The following SLC10A7 variants were observed in gnomAD, a reference collection of about 807,000 sequenced individuals.
SLC10A7 encodes sodium/bile acid cotransporter 7.
SLC10A7 carries 29 observed loss-of-function variants against 43.2 expected under a neutral mutation model. That is an observed-to-expected ratio of 0.67 (90% CI 0.50 to 0.92). The LOEUF (loss-of-function observed/expected upper bound fraction) is 0.92. SLC10A7 is among the 40% of genes least tolerant of loss of function. The probability of loss-of-function intolerance (pLI) is 0.00; values close to 1 mark genes in which losing one functional copy is unlikely to be tolerated. For missense variants in SLC10A7, 295 were observed against 403.2 expected, an observed-to-expected ratio of 0.73 and a Z score of 2.30; for synonymous variants, 152 against 144.8, an observed-to-expected ratio of 1.05 and a Z score of -0.35.
At chr4:146,494,587 C>T (rs1735729836) in intron 4 of SLC10A7, among the ~76,000 whole-genome samples, 1 of 151,930 alleles carries the variant, frequency 6.6e-6, no homozygotes, top group South Asian at 2.1e-4. Flanking sequence ...TGATGAGAGG[C>T]GTGGAAAGAA....
chr4:146,503,397 A>G (rs1736597789), intron 4 of SLC10A7, among the ~76,000 whole-genome samples: 1 of 152,236 alleles, frequency 6.6e-6, no homozygotes, highest in Non-Finnish European at 1.5e-5. Flanking sequence ...CTTTGAATTC[A>G]TCTAAGAAAC....
intron 4 of SLC10A7, among the ~76,000 whole-genome samples, chr4:146,466,030 T>C (rs1285288251): frequency 6.6e-6 from 1 of 152,164 alleles, no homozygotes; most frequent in Admixed American, 6.5e-5. Flanking sequence ...TTGAAAGAAG[T>C]TTATGTGTTT....
At chr4:146,436,831 T>C (rs1462311120) in intron 5 of SLC10A7, among the ~76,000 whole-genome samples, 1 of 152,140 alleles carries the variant, frequency 6.6e-6, no homozygotes, top group African/African-American at 2.4e-5. Context: ...GTAGCTTTTT[T>C]TTCCATTGAC....
intron 5 of SLC10A7, among the ~76,000 whole-genome samples, chr4:146,337,692 G>T (rs942282665): frequency 6.6e-6 from 1 of 151,782 alleles, no homozygotes; most frequent in African/African-American, 2.4e-5. Flanking sequence ...AATTTTATAG[G>T]TGAGAATAGA....
At chr4:146,490,280 C>T (rs760845515) in intron 4 of SLC10A7, among the ~76,000 whole-genome samples, 10 of 152,092 alleles carry the variant, frequency 6.6e-5, no homozygotes, top group South Asian at 2.1e-4. Context: ...CACATGCCAA[C>T]GACTTCATTG....
chr4:146,470,427 A>T (rs1018889023), intron 4 of SLC10A7, among the ~76,000 whole-genome samples: 5 of 151,736 alleles, frequency 3.3e-5, no homozygotes, highest in African/African-American at 1.2e-4. Flanking sequence ...TGCCATACAC[A>T]TACCCCATGT....
intron 4 of SLC10A7, among the ~76,000 whole-genome samples, chr4:146,479,212 G>A (rs1408523673): frequency 3.9e-5 from 6 of 152,034 alleles, no homozygotes; most frequent in South Asian, 4.1e-4. Flanking sequence ...AATACCCAAC[G>A]CACTCATCTC....
chr4:146,514,470 T>A (rs1737768799), intron 2 of SLC10A7: 2 of 152,190 alleles, frequency 1.3e-5, no homozygotes, highest in Non-Finnish European at 2.9e-5. Context: ...ACAACAAAAT[T>A]TCAAAAAACT....
chr4:146,471,068 C>T (rs995692812), intron 4 of SLC10A7, among the ~76,000 whole-genome samples: 5 of 152,080 alleles, frequency 3.3e-5, no homozygotes, highest in African/African-American at 1.2e-4. Context: ...ATGCTTAGGA[C>T]CAGAACTGTT....
intron 1 of SLC10A7, 53 bp downstream of exon 1, chr4:146,521,565 A>G (rs1050814387): frequency 4.0e-6 from 6 of 1,493,940 alleles, no homozygotes; most frequent in Non-Finnish European, 5.6e-6. Context: ...AAGACTCACA[A>G]ATTAGTTCTG....
At chr4:146,463,993 T>G (rs1276367615) in intron 4 of SLC10A7, among the ~76,000 whole-genome samples, 1 of 151,978 alleles carries the variant, frequency 6.6e-6, no homozygotes, top group African/African-American at 2.4e-5. Flanking sequence ...TAGCTAATTT[T>G]TTTTTATACT....
chr4:146,310,525 G>GT (rs1731898736), intron 6 of SLC10A7, among the ~76,000 whole-genome samples: 1 of 152,110 alleles, frequency 6.6e-6, no homozygotes. Context: ...TCTGACTGGT[G>GT]TAAGATGGTG....
chr4:146,273,166 G>A (rs879195875), intron 10 of SLC10A7, among the ~76,000 whole-genome samples: 2 of 152,158 alleles, frequency 1.3e-5, no homozygotes, highest in Non-Finnish European at 2.9e-5. Flanking sequence ...ATACTGTGAG[G>A]TGCCACTGTA....
intron 7 of SLC10A7, among the ~76,000 whole-genome samples, chr4:146,300,297 A>T (rs553107133): frequency 6.6e-6 from 1 of 152,226 alleles, no homozygotes; most frequent in Non-Finnish European, 1.5e-5. Flanking sequence ...ATAGCCCCAT[A>T]GCACTTTTGT....
chr4:146,391,451 G>T (rs1278951348), intron 5 of SLC10A7, among the ~76,000 whole-genome samples: 1 of 152,172 alleles, frequency 6.6e-6, no homozygotes, highest in Non-Finnish European at 1.5e-5. Context: ...TAAAAACACT[G>T]CTAAAAGCAA....
chr4:146,396,582 A>G (rs1351581055), intron 5 of SLC10A7, among the ~76,000 whole-genome samples: 1 of 152,142 alleles, frequency 6.6e-6, no homozygotes, highest in Admixed American at 6.6e-5. Flanking sequence ...AATTTAGTTC[A>G]ATCAGTTGCA....
Position 146,482,911 on chromosome 4 carries a change from T to C in SLC10A7, c.396+20938A>G, listed in dbSNP as rs868551435. On this transcript the variant is annotated intron_variant, in intron 4 of 11. Transcript: ENST00000335472. ...AGTGGATTTCTCAGGAAAAATCTTA[T>C]AGGCCAACAGAGAGTGGAATGATAT... Among the ~76,000 whole-genome samples the C allele has an allele frequency of 1.8e-4, 28 of 151,934 alleles. 1 individual carries two copies. The highest frequency in any genetic ancestry group is 3.4e-3 in the Middle Eastern group (1 of 294).
At chr4:146,502,071 C>T (rs1198997068) in intron 4 of SLC10A7, among the ~76,000 whole-genome samples, 1 of 152,066 alleles carries the variant, frequency 6.6e-6, no homozygotes, top group Non-Finnish European at 1.5e-5. Flanking sequence ...ACAAACCACC[C>T]AATTTTTTAA....
intron 3 of SLC10A7, among the ~76,000 whole-genome samples, chr4:146,507,518 G>A (rs926244562): frequency 8.6e-5 from 13 of 151,982 alleles, no homozygotes; most frequent in Non-Finnish European, 1.3e-4. Context: ...CTGAGATTAC[G>A]CCACTGCACT....
Sources: allele counts gnomAD v4.1 joint callset (sites outside exome capture counted in the v4.1 genomes callset), GRCh38; gene constraint gnomAD v4.1.1; transcripts MANE v1.5; gene names NCBI Gene and HGNC (gene_info 2026-07-23, HGNC 2026-07-21).